The following PGM5 variants were observed in gnomAD, a reference collection of about 807,000 sequenced individuals.
PGM5 encodes the protein phosphoglucomutase 5, also known as phosphoglucomutase-like protein 5.
A neutral mutation model predicts 59.2 loss-of-function variants in PGM5; 23 were observed. The ratio of observed to expected loss-of-function variants is 0.39; its 90% CI spans 0.28 to 0.55. The LOEUF (loss-of-function observed/expected upper bound fraction) is 0.55. PGM5 is among the 20% of genes least tolerant of loss of function. PGM5 has a pLI of 0.66. For missense variants in PGM5, 574 were observed against 748.3 expected (o/e 0.77, Z 2.72); for synonymous variants, 214 against 286.0 (o/e 0.75, Z 2.54).
At chr9:68,529,287 G>A (rs1277022017) in intron 10 of PGM5, among the ~76,000 whole-genome samples, 1 of 151,582 alleles carries the variant, frequency 6.6e-6, no homozygotes, top group African/African-American at 2.4e-5. Context: ...TCTTCATACA[G>A]TGCTCTCATG....
chr9:68,484,079 A>G (rs782378164), intron 9 of PGM5, 31 bp downstream of exon 9: 2 of 1,600,626 alleles, frequency 1.2e-6, no homozygotes, highest in Non-Finnish European at 1.7e-6. Flanking sequence ...ACAACGGGTT[A>G]TCAGGCAGAA....
At chr9:68,487,287 G>T (rs144591255) in intron 9 of PGM5, among the ~76,000 whole-genome samples, 1 of 152,244 alleles carries the variant, frequency 6.6e-6, no homozygotes, top group East Asian at 1.9e-4. Flanking sequence ...CATGCATCAT[G>T]GGGAAAGTTT....
chr9:68,451,832 G>T (rs868953741), intron 6 of PGM5, among the ~76,000 whole-genome samples: 27 of 152,300 alleles, frequency 1.8e-4, no homozygotes, highest in Middle Eastern at 3.4e-3. Flanking sequence ...CAGTTGCATA[G>T]GATGTGCACT....
chr9:68,422,887 C>A (rs976528522), intron 6 of PGM5, among the ~76,000 whole-genome samples: 2 of 152,114 alleles, frequency 1.3e-5, no homozygotes, highest in East Asian at 3.9e-4. Flanking sequence ...CCCACCCTTT[C>A]CCCCGTGTCC....
intron 9 of PGM5, chr9:68,497,868 A>G (rs1260924469): frequency 6.6e-6 from 1 of 152,206 alleles, no homozygotes; most frequent in African/African-American, 2.4e-5. Context: ...AAGTCACAGT[A>G]TCATCTTATG....
At chr9:68,452,171 C>T (rs1554684385) in intron 6 of PGM5, among the ~76,000 whole-genome samples, 10 of 152,350 alleles carry the variant, frequency 6.6e-5, no homozygotes. Flanking sequence ...CACCACAAGA[C>T]TGTGCCCCTG....
chr9:68,437,155 CA>C lies in PGM5; in HGVS notation c.1044-27935del, dbSNP rs1326702634. Among the ~76,000 whole-genome samples the C allele has an allele frequency of 1.3e-5, 2 of 152,174 alleles. No homozygotes were observed. Among genetic ancestry groups the C allele is most frequent in the African/African-American group, 4.8e-5 (2 of 41,422 alleles). ...GTTCACATCACTTTGAAATTAAAAT[CA>C]AATGAGATCATGACACATACCTGTC... On this transcript the variant is annotated intron_variant, in intron 6 of 10. Coordinates refer to ENST00000396396, the MANE Select transcript of PGM5 (RefSeq NM_021965.4). The surrounding 1 kb of genome is among the most constrained non-coding windows in gnomAD (Gnocchi z 4.1).
intron 10 of PGM5, among the ~76,000 whole-genome samples, chr9:68,526,623 C>G (rs1203919192): frequency 6.6e-6 from 1 of 152,170 alleles, no homozygotes; most frequent in Non-Finnish European, 1.5e-5. Flanking sequence ...TCAAAAGATT[C>G]CCACTCATAA....
intron 6 of PGM5, among the ~76,000 whole-genome samples, chr9:68,423,497 G>A (rs1357536446): frequency 6.6e-6 from 1 of 152,200 alleles, no homozygotes; most frequent in Non-Finnish European, 1.5e-5. Flanking sequence ...CCTTTGAAGG[G>A]AGAGTGCTCT....
At chr9:68,441,597 TC>T (rs1159577568) in intron 6 of PGM5, among the ~76,000 whole-genome samples, 3 of 152,114 alleles carry the variant, frequency 2.0e-5, no homozygotes, top group Admixed American at 6.5e-5. Flanking sequence ...AAAGGTAACT[TC>T]TTCAAACAAA....
intron 10 of PGM5, among the ~76,000 whole-genome samples, chr9:68,515,572 C>T (rs1426169547): frequency 6.6e-6 from 1 of 152,216 alleles, no homozygotes; most frequent in Non-Finnish European, 1.5e-5. Flanking sequence ...TGTACTCTCT[C>T]TGGCTGGATA....
chr9:68,431,980 T>A (rs185609449), intron 6 of PGM5, among the ~76,000 whole-genome samples: 2 of 152,294 alleles, frequency 1.3e-5, no homozygotes, highest in East Asian at 1.9e-4. Flanking sequence ...GAGTGTGAGA[T>A]GTTTGCAGAC....
intron 6 of PGM5, among the ~76,000 whole-genome samples, chr9:68,419,938 G>A (rs1823099843): frequency 6.6e-6 from 1 of 152,144 alleles, no homozygotes; most frequent in Non-Finnish European, 1.5e-5. Flanking sequence ...GGCTTTGAAT[G>A]CTCCCTACCA....
chr9:68,498,015 G>A (rs112024896), intron 9 of PGM5: 3,672 of 152,310 alleles, frequency 0.024, 71 homozygotes, highest in South Asian at 0.076. Flanking sequence ...CACTCTGGTG[G>A]TCAGGCCAAA....
chr9:68,361,626 T>G (rs1241194393), intron 1 of PGM5, among the ~76,000 whole-genome samples: 4 of 152,240 alleles, frequency 2.6e-5, no homozygotes, highest in African/African-American at 9.6e-5. Flanking sequence ...CCTCACATAG[T>G]GGGAGAGACT....
In PGM5 at chr9:68,483,693, C is replaced by T. The variant is rs114961012; in HGVS notation, c.1296-172C>T. 8.1e-3 allele frequency among the ~76,000 whole-genome samples: 1,226 copies of T among 152,180 alleles called. 16 individuals are homozygous for T. Among genetic ancestry groups the T allele is most frequent in the African/African-American group, 0.027 (1,124 of 41,520 alleles). ...TTGATTTTTACAAGATTACTCTGGC[C>T]GCTGTATGGGGAATGGACTGTAAGG... On this transcript the variant is annotated intron_variant, in intron 8 of 10. Coordinates refer to ENST00000396396, the MANE Select transcript of PGM5 (RefSeq NM_021965.4).
chr9:68,385,862 TAG>T (rs1386785859), intron 3 of PGM5, among the ~76,000 whole-genome samples: 1 of 152,044 alleles, frequency 6.6e-6, no homozygotes, highest in Non-Finnish European at 1.5e-5. Flanking sequence ...AGGAGATAGG[TAG>T]AGAGATTCCC....
chr9:68,452,875 C>T (rs145091500), intron 6 of PGM5, among the ~76,000 whole-genome samples: 1 of 152,334 alleles, frequency 6.6e-6, no homozygotes, highest in East Asian at 1.9e-4. Context: ...TCTCAAGGCT[C>T]TTTGGACAAG....
chr9:68,526,946 T>TA (rs1168712878), intron 10 of PGM5, among the ~76,000 whole-genome samples: 31 of 152,248 alleles, frequency 2.0e-4, no homozygotes, highest in African/African-American at 6.8e-4. Flanking sequence ...GGAACAAACT[T>TA]AACTGACTCC....
Sources: gnomAD v4.1 joint callset for allele counts (sites outside exome capture counted in the v4.1 genomes callset) on GRCh38, gnomAD v4.1.1 for gene constraint, Gnocchi (gnomAD v3.1) non-coding constraint, MANE v1.5 for transcripts, NCBI Gene and HGNC (gene_info 2026-07-23, HGNC 2026-07-21) for gene names.